LRRC37A2: variants seen among roughly 807,000 people sequenced by gnomAD.
The protein encoded by LRRC37A2 is leucine rich repeat containing 37 member A2, also known as leucine-rich repeat-containing protein 37A2.
Under a neutral mutation model 68.8 loss-of-function variants are expected in LRRC37A2, and 9 were observed. That is an observed-to-expected ratio of 0.13 (90% CI 0.08 to 0.23). The LOEUF (loss-of-function observed/expected upper bound fraction) is 0.23. Among genes scored for constraint, LRRC37A2 ranks in the 10% least tolerant of loss-of-function variants. The probability of loss-of-function intolerance (pLI) is 1.00; values close to 1 mark genes in which losing one functional copy is unlikely to be tolerated. For missense variants in LRRC37A2, 168 were observed against 950.4 expected, an observed-to-expected ratio of 0.18 and a Z score of 10.82; for synonymous variants, 63 against 367.6, an observed-to-expected ratio of 0.17 and a Z score of 9.48.
the LRRC37A2 span, among the ~76,000 whole-genome samples, chr17:46,377,590 G>A: frequency 5.9e-5 from 3 of 51,184 alleles, no homozygotes; most frequent in African/African-American, 1.1e-4. Context: ...TTTTTTTTGA[G>A]ACGGAGTCTT....
the LRRC37A2 span, among the ~76,000 whole-genome samples, chr17:46,949,936 CATT>C: frequency 3.3e-5 from 5 of 152,180 alleles, no homozygotes; most frequent in African/African-American, 1.2e-4. Context: ...AGAGCAGACT[CATT>C]AGTCCCTGCC....
chr17:46,985,910 G>A, the LRRC37A2 span, among the ~76,000 whole-genome samples: 1 of 152,206 alleles, frequency 6.6e-6, no homozygotes, highest in Non-Finnish European at 1.5e-5. Context: ...GGAGCCAAAG[G>A]TCTGTACCTC....
chr17:46,816,579 G>A, the LRRC37A2 span, among the ~76,000 whole-genome samples: 1 of 151,984 alleles, frequency 6.6e-6, no homozygotes, highest in East Asian at 1.9e-4. Context: ...AACAAGCCAT[G>A]TGTCTAGCAT....
chr17:46,851,504 G>A, the LRRC37A2 span: 8 of 389,164 alleles, frequency 2.1e-5, no homozygotes, highest in East Asian at 2.5e-4. This position sits in a 1 kb window ranked among gnomAD's most constrained non-coding sequence, Gnocchi z 4.3. Flanking sequence ...GGGCTGGGGA[G>A]CCTCCCAATC....
chr17:46,605,199 C>T, the LRRC37A2 span, among the ~76,000 whole-genome samples: 1 of 71,524 alleles, frequency 1.4e-5, no homozygotes, highest in East Asian at 3.1e-4. Context: ...CGCCTGTAAT[C>T]CCAGCACTTT....
chr17:46,814,256 A>G, the LRRC37A2 span, among the ~76,000 whole-genome samples: 6 of 152,134 alleles, frequency 3.9e-5, no homozygotes, highest in Admixed American at 2.0e-4. Flanking sequence ...CCCTTCCCCC[A>G]TGCCATCCAC....
the LRRC37A2 span, among the ~76,000 whole-genome samples, chr17:46,768,134 C>T: frequency 6.6e-6 from 1 of 152,302 alleles, no homozygotes; most frequent in South Asian, 2.1e-4. The surrounding 1 kb of genome is among the most constrained non-coding windows in gnomAD (Gnocchi z 5.0). Flanking sequence ...CAAGTCTCTG[C>T]CCAAGGACCA....
chr17:46,381,802 TCC>T, the LRRC37A2 span, among the ~76,000 whole-genome samples: 1 of 107,592 alleles, frequency 9.3e-6, no homozygotes, highest in African/African-American at 3.2e-5. Context: ...AACTAAATAT[TCC>T]TTTTGTAGAT....
chr17:46,458,147 T>G, the LRRC37A2 span, among the ~76,000 whole-genome samples: 1 of 84,268 alleles, frequency 1.2e-5, no homozygotes, highest in East Asian at 2.4e-4. Context: ...CCCTTAAATA[T>G]GCACAGTTAT....
chr17:46,946,497 T>G, the LRRC37A2 span, among the ~76,000 whole-genome samples: 3 of 139,570 alleles, frequency 2.1e-5, no homozygotes, highest in Non-Finnish European at 3.2e-5. Context: ...GCCTGGGATA[T>G]TCCCTTTGTG....
the LRRC37A2 span, among the ~76,000 whole-genome samples, chr17:46,744,441 G>A: frequency 6.6e-6 from 1 of 152,112 alleles, no homozygotes; most frequent in African/African-American, 2.4e-5. Flanking sequence ...ATCCATTTCA[G>A]GGTTTTCAAT....
the LRRC37A2 span, chr17:46,714,075 T>C: frequency 7.5e-7 from 1 of 1,340,880 alleles, no homozygotes; most frequent in African/African-American, 1.5e-5. Flanking sequence ...TGTATACATA[T>C]AAACCCATAG....
the LRRC37A2 span, among the ~76,000 whole-genome samples, chr17:46,761,093 A>C: frequency 1.3e-5 from 2 of 152,244 alleles, no homozygotes; most frequent in Non-Finnish European, 2.9e-5. Context: ...AAAAATGACC[A>C]GACTGTAAGA....
At chr17:46,786,119 G>T in the LRRC37A2 span, among the ~76,000 whole-genome samples, 2 of 145,030 alleles carry the variant, frequency 1.4e-5, no homozygotes, top group African/African-American at 5.1e-5. Context: ...AAAAAGGGAG[G>T]AGGGTGCGAG....
intron 8 of LRRC37A2, among the ~76,000 whole-genome samples, chr17:46,541,833 A>T (rs2941982): frequency 4.9e-5 from 7 of 144,212 alleles, no homozygotes; most frequent in Non-Finnish European, 7.9e-5. Context: ...ATAAAAAAGA[A>T]CTCAGCATCT....
the LRRC37A2 span, among the ~76,000 whole-genome samples, chr17:47,004,251 GT>G: frequency 6.6e-6 from 1 of 152,234 alleles, no homozygotes; most frequent in Non-Finnish European, 1.5e-5. Context: ...TGGGATGGCT[GT>G]GTCAAATGGT....
the LRRC37A2 span, among the ~76,000 whole-genome samples, chr17:46,999,691 C>A: frequency 1.3e-5 from 2 of 151,884 alleles, no homozygotes; most frequent in Non-Finnish European, 2.9e-5. Context: ...GTTTCTTAAC[C>A]ACTCTTATTT....
At chr17:46,924,260 G>A in the LRRC37A2 span, 4 of 164,414 alleles carry the variant, frequency 2.4e-5, no homozygotes, top group East Asian at 6.6e-4. Context: ...AATGTTTTCA[G>A]GGTTCATCTA....
the LRRC37A2 span, among the ~76,000 whole-genome samples, chr17:46,740,063 G>A: frequency 2.6e-5 from 4 of 152,198 alleles, no homozygotes; most frequent in Non-Finnish European, 5.9e-5. Flanking sequence ...TGTCTAGTGG[G>A]TAAGTTGTCC....
Sources: gnomAD v4.1 joint callset for allele counts (sites outside exome capture counted in the v4.1 genomes callset) on GRCh38, gnomAD v4.1.1 for gene constraint, Gnocchi (gnomAD v3.1) non-coding constraint, MANE v1.5 for transcripts, NCBI Gene and HGNC (gene_info 2026-07-23, HGNC 2026-07-21) for gene names.